Variants in PACRGL observed in about 807,000 individuals in gnomAD.
PACRGL encodes the protein PACRG-like protein.
PACRGL carries 38 observed loss-of-function variants against 34.5 expected under a neutral mutation model. The observed-to-expected ratio is 1.10, with a 90% CI of 0.85 to 1.44. PACRGL has a LOEUF of 1.44. PACRGL is among the 40% of genes most tolerant of loss of function. The pLI, the probability that PACRGL is intolerant of heterozygous loss-of-function variation, is 0.00. For synonymous variants in PACRGL, 128 were observed against 100.1 expected (o/e 1.28, Z -1.66); for missense variants, 305 against 281.4 (o/e 1.08, Z -0.60).
chr4:20,734,045 G>T (rs996523417), downstream of PACRGL, among the ~76,000 whole-genome samples: 1 of 152,178 alleles, frequency 6.6e-6, no homozygotes, highest in African/African-American at 2.4e-5. Context: ...AGGATTTAGG[G>T]AGTGGTCTTT....
upstream of PACRGL, chr4:20,696,480 T>G (rs1443733924): frequency 2.6e-5 from 4 of 152,216 alleles, no homozygotes; most frequent in African/African-American, 9.7e-5. Flanking sequence ...CCTCCAAGCC[T>G]CATCCTCTCA....
intron 8 of PACRGL, among the ~76,000 whole-genome samples, chr4:20,738,621 TC>T (rs1560415765): frequency 1.3e-5 from 2 of 151,962 alleles, no homozygotes; most frequent in South Asian, 4.1e-4. Context: ...TTTTGGGGAA[TC>T]CCCCCAAGAT....
chr4:20,700,022 C>G (rs1731557158), upstream of PACRGL, among the ~76,000 whole-genome samples: 1 of 152,114 alleles, frequency 6.6e-6, no homozygotes, highest in African/African-American at 2.4e-5. Context: ...CAAGAAAATC[C>G]CACAGCTGGG....
the PACRGL span, chr4:20,758,941 A>AT: frequency 2.1e-4 from 315 of 1,477,508 alleles, 3 homozygotes; most frequent in South Asian, 1.9e-3. Context: ...ATAAAACTGA[A>AT]TTTTTTTTGC....
chr4:20,709,234 C>G (rs1178368523), intron 4 of PACRGL, among the ~76,000 whole-genome samples: 2 of 152,192 alleles, frequency 1.3e-5, no homozygotes, highest in East Asian at 3.8e-4. Flanking sequence ...CCTCAGTTTT[C>G]TTCTCTTTAA....
At chr4:20,753,702 C>T (rs141654971), downstream of PACRGL, among the ~76,000 whole-genome samples, 88 of 152,276 alleles carry the variant, frequency 5.8e-4, no homozygotes, top group African/African-American at 2.0e-3. Flanking sequence ...TGAATAGTAG[C>T]TTCTGTCAAT....
At chr4:20,709,285 A>G (rs1033997789) in intron 4 of PACRGL, among the ~76,000 whole-genome samples, 1 of 152,236 alleles carries the variant, frequency 6.6e-6, no homozygotes, top group Non-Finnish European at 1.5e-5. Flanking sequence ...TATTAGTGTT[A>G]GGGTTACATG....
Position 20,709,243 on chromosome 4 carries a change from A to G in PACRGL, c.276-440A>G, listed in dbSNP as rs2149078486. Among the ~76,000 whole-genome samples the G allele has an allele frequency of 1.3e-5, 2 of 152,334 alleles. 1 individual carries two copies. Among genetic ancestry groups the G allele is most frequent in the South Asian group, 4.1e-4 (2 of 4,822 alleles). On this transcript the variant is annotated intron_variant, in intron 4 of 8. Transcript: ENST00000503585. The stretch of plus-strand genomic sequence containing the variant: ...TCCTGGCCTCAGTTTTCTTCTCTTT[A>G]ACAGAGATGAAACTTGGTTTAGCCT...
At chr4:20,707,715 C>A (rs1451416150) in intron 3 of PACRGL, 88 bp from the exon 4 acceptor site, 2 of 1,046,898 alleles carry the variant, frequency 1.9e-6, no homozygotes, top group African/African-American at 1.6e-5. Flanking sequence ...CGCTTCGATA[C>A]CAGCTTGGCG....
chr4:20,745,167 C>A (rs549443743), intron 8 of PACRGL, among the ~76,000 whole-genome samples: 7 of 152,290 alleles, frequency 4.6e-5, no homozygotes, highest in African/African-American at 1.4e-4. Flanking sequence ...AGGTTGTAGC[C>A]AGCCCCATCT....
At chr4:20,722,033 C>T (rs560757819) in intron 7 of PACRGL, among the ~76,000 whole-genome samples, 2 of 152,358 alleles carry the variant, frequency 1.3e-5, no homozygotes, top group South Asian at 2.1e-4. Flanking sequence ...GGCGGGCGCC[C>T]CTCTCCCAGC....
intron 5 of PACRGL, 36 bp from the exon 6 acceptor site, chr4:20,712,752 G>A: frequency 7.1e-7 from 1 of 1,406,568 alleles, no homozygotes; most frequent in Admixed American, 2.5e-5. Context: ...ATAATGAAAT[G>A]GGTAGTAAAT....
rs1329017385 is a variant in PACRGL, at chr4:20,729,245, A to G, written c.*1904A>G. ...CATTACTATATACTGGAGGATAGAT[A>G]TCCTGACCCTTTGCATATGTCTGTA... On this transcript the variant is annotated 3_prime_UTR_variant, in exon 9 of 9. Transcript: ENST00000503585. The G allele has an allele frequency of 6.6e-6, 1 of 152,172 alleles. No homozygotes were observed. 9.4% of individuals were successfully genotyped at this position (152,172 alleles called of 1,614,324 possible).
intron 8 of PACRGL, among the ~76,000 whole-genome samples, chr4:20,737,801 G>C (rs80323695): frequency 5.8e-4 from 88 of 152,316 alleles, no homozygotes; most frequent in African/African-American, 2.0e-3. Context: ...TTAGTTAAAA[G>C]GTAATGACAG....
At chr4:20,742,618 G>A (rs1402540762) in intron 8 of PACRGL, among the ~76,000 whole-genome samples, 1 of 152,056 alleles carries the variant, frequency 6.6e-6, no homozygotes, top group East Asian at 1.9e-4. Context: ...ATACTGAATG[G>A]GCAAAAACTG....
chr4:20,714,059 C>A (rs1338849284), intron 7 of PACRGL, among the ~76,000 whole-genome samples: 1 of 151,978 alleles, frequency 6.6e-6, no homozygotes, highest in Non-Finnish European at 1.5e-5. Flanking sequence ...TCCTTGTTAA[C>A]TTTCTGTCTC....
Position 20,707,861 on chromosome 4 carries a change from T to A in PACRGL, c.266T>A (p.Ile89Asn). The change falls in exon 4 of 9, where the codon ATT (isoleucine) becomes AAT (asparagine). Residue 89 changes from isoleucine to asparagine, a missense_variant. Coordinates refer to ENST00000503585, the MANE Select transcript of PACRGL (RefSeq NM_001258345.3). The part of the protein sequence containing the change: ...AFAAIYSKGG[I>N]PCRLVHGSVK... ...GCAGCTATTTACTCTAAAGGAGGTA[T>A]TCCTTGCAGGTAAAATCAATATGAT... 1.2e-6 allele frequency: 2 copies of A among 1,611,580 alleles called. No homozygotes were observed. The highest frequency in any genetic ancestry group is 1.7e-6 in the Non-Finnish European group (2 of 1,177,806).
chr4:20,714,417 A>C (rs1738806397), intron 7 of PACRGL, among the ~76,000 whole-genome samples: 1 of 152,078 alleles, frequency 6.6e-6, no homozygotes, highest in Non-Finnish European at 1.5e-5. Flanking sequence ...GGATTTCCTG[A>C]ATACAGCACA....
At chr4:20,735,383 A>G (rs1208532071), downstream of PACRGL, among the ~76,000 whole-genome samples, 1 of 152,208 alleles carries the variant, frequency 6.6e-6, no homozygotes, top group African/African-American at 2.4e-5. Flanking sequence ...GGATTAAAAA[A>G]GAGGCTGCTT....
Sources: allele counts gnomAD v4.1 joint callset (sites outside exome capture counted in the v4.1 genomes callset), GRCh38; gene constraint gnomAD v4.1.1; transcripts MANE v1.5; gene names NCBI Gene and HGNC (gene_info 2026-07-23, HGNC 2026-07-21).